The following RBM28 variants were observed in gnomAD, a reference collection of about 807,000 sequenced individuals.
RBM28 encodes RNA binding motif protein 28, also known as RNA-binding protein 28.
RBM28 carries 78 observed loss-of-function variants against 98.3 expected under a neutral mutation model. The observed-to-expected ratio is 0.79, with a 90% CI of 0.66 to 0.96. The LOEUF is 0.96. Ranked by LOEUF, RBM28 falls within the 40% of genes least tolerant of loss-of-function variation. The pLI, the probability that RBM28 is intolerant of heterozygous loss-of-function variation, is 0.00. For missense variants in RBM28, 838 were observed against 913.0 expected (o/e 0.92, Z 1.06); for synonymous variants, 306 against 330.9 (o/e 0.92, Z 0.82).
At chr7:128,332,197 C>T (rs900139554) in intron 9 of RBM28, among the ~76,000 whole-genome samples, 2 of 152,112 alleles carry the variant, frequency 1.3e-5, no homozygotes, top group Admixed American at 1.3e-4. Context: ...AGAAAATGGG[C>T]TTCAGTATAG....
intron 6 of RBM28, 67 bp downstream of exon 6, chr7:128,337,061 CAGG>C: frequency 6.7e-7 from 1 of 1,485,510 alleles, no homozygotes; most frequent in Non-Finnish European, 9.4e-7. Flanking sequence ...ATCATGAACA[CAGG>C]AGTTGTTTCA....
chr7:128,327,704 T>G (rs1042693194), intron 10 of RBM28, among the ~76,000 whole-genome samples: 3 of 152,090 alleles, frequency 2.0e-5, no homozygotes, highest in African/African-American at 7.2e-5. Flanking sequence ...TTCTCCATGT[T>G]GGTCAAGCTG....
At chr7:128,331,894 C>A (rs940107059) in intron 9 of RBM28, among the ~76,000 whole-genome samples, 3 of 152,086 alleles carry the variant, frequency 2.0e-5, no homozygotes, top group Non-Finnish European at 4.4e-5. Context: ...TCATGGATAA[C>A]CCAGATAAAA....
Position 128,338,328 on chromosome 7 carries a change from C to T in RBM28, c.463G>A (p.Gly155Ser), listed in dbSNP as rs1454238842. 10 of 1,613,770 alleles carry T rather than the reference C, an allele frequency of 6.2e-6. No individual in the cohort carries two copies. The highest frequency in any genetic ancestry group is 2.2e-5 in the South Asian group (2 of 91,068). Residue 155 changes from glycine (G) to serine (S), a missense_variant, in exon 5 of 19, where the codon GGT (glycine) becomes AGT (serine). Physicochemically the swap from Gly to Ser is moderately conservative, Grantham distance 56. Transcript: ENST00000223073. Reference protein sequence around the residue: ...IPRKPDGKMRGFGFVQFKNLL... With the variant: ...IPRKPDGKMRSFGFVQFKNLL... ...TTTTTGAACTGAACAAAACCAAAAC[C>T]GCGCATCTTCCCATCTGTGTGCAAA...
intron 10 of RBM28, among the ~76,000 whole-genome samples, chr7:128,327,648 G>A (rs1398968688): frequency 1.3e-5 from 2 of 152,000 alleles, no homozygotes; most frequent in Non-Finnish European, 2.9e-5. Flanking sequence ...TTACAGGCAG[G>A]TGCCTCCATG....
At chr7:128,326,775 T>A (rs1796362605) in intron 10 of RBM28, among the ~76,000 whole-genome samples, 1 of 152,154 alleles carries the variant, frequency 6.6e-6, no homozygotes, top group African/African-American at 2.4e-5. Context: ...TAATGAAATT[T>A]TATTATTACT....
chr7:128,331,533 G>A (rs1046004341), intron 9 of RBM28, among the ~76,000 whole-genome samples: 1 of 152,096 alleles, frequency 6.6e-6, no homozygotes, highest in Non-Finnish European at 1.5e-5. Flanking sequence ...AGACTAGTGA[G>A]AAAAGTCAAA....
intron 1 of RBM28, chr7:128,341,040 T>C: frequency 1.1e-6 from 1 of 874,042 alleles, no homozygotes; most frequent in African/African-American, 1.8e-5. Context: ...CTTTTTGGTT[T>C]AACATTTTGT....
intron 9 of RBM28, among the ~76,000 whole-genome samples, chr7:128,332,313 T>A (rs945996818): frequency 6.6e-6 from 1 of 152,200 alleles, no homozygotes; most frequent in Non-Finnish European, 1.5e-5. Context: ...CTCATGTATT[T>A]CATCAATTTC....
Position 128,339,260 on chromosome 7 carries a change from T to A in RBM28, c.339A>T (p.Lys113Asn). ...TCAGGTTCCGAATAATTAATCTGGC[T>A]TTCTTATCTGCCACTTTGGCTTTTT... ...KAKKAKVADK[K>N]ARLIIRNLSF... Residue 113 changes from lysine (K) to asparagine (N), a missense_variant, in exon 3 of 19, where the codon AAA becomes AAT. Lys to Asn is a moderately conservative substitution (Grantham distance 94). Transcript: ENST00000223073. The A allele has an allele frequency of 1.2e-6, 2 of 1,613,692 alleles. No individual in the cohort carries two copies. The highest frequency in any genetic ancestry group is 1.7e-6 in the Non-Finnish European group (2 of 1,179,558).
chr7:128,323,518 T>C lies in RBM28; in HGVS notation c.1404+9A>G. On this transcript the variant is annotated intron_variant, in intron 13 of 18. Transcript: ENST00000223073. The stretch of plus-strand genomic sequence containing the variant: ...GCAGAACGTGAAGGTCAATGCCTAA[T>C]CTACTCACCCGTTCTCTTTTGGCCA... 3 of 1,614,222 alleles carry C rather than the reference T, an allele frequency of 1.9e-6. No individual in the cohort carries two copies. The highest frequency in any genetic ancestry group is 2.5e-6 in the Non-Finnish European group (3 of 1,180,014).
chr7:128,315,142 T>C, intron 16 of RBM28, 122 bp from the exon 17 acceptor site: 1 of 1,424,842 alleles, frequency 7.0e-7, no homozygotes, highest in Non-Finnish European at 9.8e-7. Flanking sequence ...CCCACACAAT[T>C]GGAGACTAGA....
chr7:128,324,576 T>G lies in RBM28; in HGVS notation c.1322A>C (p.Tyr441Ser), dbSNP rs748976770. The part of the protein sequence containing the change: ...VKKPTGTRNL[Y>S]LAREGLIRAG... ...CTACTCACAGCCTTCTCGGGCCAGA[T>G]AGAGATTCCGGGTGCCAGTCGGCTT... The change falls in exon 12 of 19, where the codon TAT (tyrosine) becomes TCT (serine). Residue 441 changes from tyrosine (Y) to serine (S), a missense_variant. Physicochemically the swap from Tyr to Ser is moderately radical, Grantham distance 144. Transcript: ENST00000223073. 4.3e-6 allele frequency: 7 copies of G among 1,614,080 alleles called. No individual in the cohort carries two copies. In the South Asian group the frequency reaches 4.4e-5, roughly 10 times the overall value.
At chr7:128,314,493 T>G (rs1796062811) in intron 17 of RBM28, among the ~76,000 whole-genome samples, 1 of 152,250 alleles carries the variant, frequency 6.6e-6, no homozygotes, top group African/African-American at 2.4e-5. Flanking sequence ...TGGTCTCAGC[T>G]GGCAGAGATG....
At position 128,310,607 on chromosome 7, in the gene RBM28, T is replaced by G; in HGVS notation, c.*190A>C. On this transcript the variant is annotated 3_prime_UTR_variant, in exon 19 of 19. Transcript: ENST00000223073. The stretch of plus-strand genomic sequence containing the variant: ...GTTGACTTTCAGATATTTCTCTTTG[T>G]GGCTAACGAACCACACATCAAAGGA... 1 of 655,658 alleles carries G rather than the reference T, an allele frequency of 1.5e-6. No homozygotes were observed. The highest frequency in any genetic ancestry group is 2.7e-5 in the Admixed American group (1 of 37,202). The allele number at this position is 655,658 out of a possible 1,614,324, so 40.6% of individuals were successfully genotyped here.
At chr7:128,329,445 T>C (rs1796425055) in intron 10 of RBM28, among the ~76,000 whole-genome samples, 1 of 152,114 alleles carries the variant, frequency 6.6e-6, no homozygotes, top group Admixed American at 6.6e-5. Context: ...GTGATTAGGT[T>C]CTATCAATGT....
chr7:128,321,921 G>A (rs1042906500), intron 13 of RBM28, among the ~76,000 whole-genome samples: 3 of 152,084 alleles, frequency 2.0e-5, no homozygotes, highest in Non-Finnish European at 4.4e-5. Flanking sequence ...AGTAGTGCAT[G>A]CCTGTAATCC....
rs553341876 is a variant in RBM28, at chr7:128,309,541, G to C, written c.*1256C>G. On this transcript the variant is annotated 3_prime_UTR_variant, in exon 19 of 19. Coordinates refer to ENST00000223073, the MANE Select transcript of RBM28 (RefSeq NM_018077.3). Reference sequence around the variant, plus strand: ...CCAGCTACTTGGGAGGGTGAGGCGGGAAAGTCGCTTGAACCCGGGAGGTGG... The same window carrying C: ...CCAGCTACTTGGGAGGGTGAGGCGGCAAAGTCGCTTGAACCCGGGAGGTGG... 1 of 151,632 alleles carries C rather than the reference G, an allele frequency of 6.6e-6. No individual in the cohort carries two copies. Among genetic ancestry groups the C allele is most frequent in the South Asian group, 2.1e-4 (1 of 4,790 alleles). 9.4% of individuals were successfully genotyped at this position (151,632 alleles called of 1,614,324 possible).
intron 5 of RBM28, 103 bp from the exon 6 acceptor site, chr7:128,337,305 A>G: frequency 8.8e-7 from 1 of 1,130,950 alleles, no homozygotes; most frequent in Non-Finnish European, 1.3e-6. Flanking sequence ...CAGTGGAGAC[A>G]AAGAAACTGC....
Sources: gnomAD v4.1 joint callset for allele counts (sites outside exome capture counted in the v4.1 genomes callset) on GRCh38, gnomAD v4.1.1 for gene constraint, MANE v1.5 for transcripts, NCBI Gene and HGNC (gene_info 2026-07-23, HGNC 2026-07-21) for gene names.